GDAP1: variants seen among roughly 807,000 people sequenced by gnomAD.
The protein encoded by GDAP1 is ganglioside induced differentiation associated protein 1.
Under a neutral mutation model 40.1 loss-of-function variants are expected in GDAP1, and 34 were observed. That is an observed-to-expected ratio of 0.85 (90% CI 0.64 to 1.13). The LOEUF (loss-of-function observed/expected upper bound fraction) is 1.13, where lower values mean the gene tolerates loss of function less well. Ranked by LOEUF, GDAP1 falls within the 50% of genes most tolerant of loss-of-function variation. GDAP1 has a pLI of 0.00. For synonymous variants in GDAP1, 170 were observed against 157.4 expected (o/e 1.08, Z -0.60); for missense variants, 374 against 433.7 (o/e 0.86, Z 1.22).
In GDAP1 at chr8:74,363,143, C is replaced by T; in HGVS notation, c.694+90C>T. ...GGTCTCACCAAAAACGTTCTGTAAT[C>T]TGCTTTTCATTGTTGTTATTCACAG... On this transcript the variant is annotated intron_variant, in intron 5 of 5. Coordinates refer to ENST00000220822, the MANE Select transcript of GDAP1 (RefSeq NM_018972.4). The T allele has an allele frequency of 6.8e-6, 5 of 738,074 alleles. No homozygotes were observed. In the East Asian group the frequency reaches 1.2e-4, roughly 18 times the overall value. 45.7% of individuals were successfully genotyped at this position (738,074 alleles called of 1,614,324 possible).
chr8:74,387,219 T>C (rs145146605), intron 2 of GDAP1, among the ~76,000 whole-genome samples: 29,164 of 152,194 alleles, frequency 0.19, 3,037 homozygotes, highest in Admixed American at 0.31. Context: ...AACACTATGT[T>C]GAATAGGAGT....
intron 2 of GDAP1, among the ~76,000 whole-genome samples, chr8:74,418,189 T>C (rs117316867): frequency 0.014 from 2,098 of 152,310 alleles, 28 homozygotes; most frequent in South Asian, 0.034. Flanking sequence ...AAGCTTGTTC[T>C]AAAATTTGCA....
intron 3 of GDAP1, among the ~76,000 whole-genome samples, chr8:74,361,218 T>C (rs1238741101): frequency 3.3e-5 from 5 of 152,116 alleles, no homozygotes; most frequent in Non-Finnish European, 7.4e-5. Flanking sequence ...CTATAGTTAA[T>C]ATTTTTTAAA....
chr8:74,371,868 C>T (rs1809759218), downstream of GDAP1, among the ~76,000 whole-genome samples: 1 of 151,922 alleles, frequency 6.6e-6, no homozygotes, highest in African/African-American at 2.4e-5. Context: ...TGGTGTGCTG[C>T]ACCCATTAAC....
At chr8:74,363,903 T>A in intron 5 of GDAP1, 82 bp from the exon 6 acceptor site, 2 of 1,184,004 alleles carry the variant, frequency 1.7e-6, no homozygotes, top group Non-Finnish European at 2.5e-6. Flanking sequence ...CACTCACCCT[T>A]AAGGGTGAGA....
intron 2 of GDAP1, among the ~76,000 whole-genome samples, chr8:74,354,754 T>C (rs1809024518): frequency 6.6e-6 from 1 of 152,204 alleles, no homozygotes; most frequent in African/African-American, 2.4e-5. Context: ...CAGGGTGAGT[T>C]GTAACCCTCT....
chr8:74,467,850 C>G (rs925402975), intron 2 of GDAP1, among the ~76,000 whole-genome samples: 1 of 152,180 alleles, frequency 6.6e-6, no homozygotes, highest in Non-Finnish European at 1.5e-5. Context: ...TATACACACA[C>G]ATACCGTAAA....
chr8:74,461,665 T>C (rs1415328800), intron 2 of GDAP1, among the ~76,000 whole-genome samples: 1 of 152,214 alleles, frequency 6.6e-6, no homozygotes, highest in African/African-American at 2.4e-5. Context: ...TTCCACATGT[T>C]TGGCATTGTA....
intron 2 of GDAP1, among the ~76,000 whole-genome samples, chr8:74,475,797 C>G (rs949683523): frequency 6.6e-6 from 1 of 152,102 alleles, no homozygotes; most frequent in Non-Finnish European, 1.5e-5. Flanking sequence ...TCTATTAGAT[C>G]CATTTGGTCC....
intron 2 of GDAP1, among the ~76,000 whole-genome samples, chr8:74,399,995 G>T (rs1478752847): frequency 7.0e-6 from 1 of 143,638 alleles, no homozygotes; most frequent in Admixed American, 6.7e-5. Context: ...TGGAATAGGT[G>T]TGGTGTGGTG....
intron 2 of GDAP1, among the ~76,000 whole-genome samples, chr8:74,386,735 GC>G (rs1810030993): frequency 6.6e-6 from 1 of 152,174 alleles, no homozygotes; most frequent in Non-Finnish European, 1.5e-5. Context: ...GTCGATGGTA[GC>G]TTGATGGGAA....
chr8:74,487,425 A>G (rs1239044377), intron 2 of GDAP1, among the ~76,000 whole-genome samples: 1 of 152,118 alleles, frequency 6.6e-6, no homozygotes, highest in Admixed American at 6.6e-5. Flanking sequence ...CTTAAAAGGG[A>G]ATTAAAACTT....
chr8:74,465,517 C>G (rs1806458058), intron 2 of GDAP1, among the ~76,000 whole-genome samples: 1 of 152,198 alleles, frequency 6.6e-6, no homozygotes, highest in Admixed American at 6.5e-5. Flanking sequence ...TTCTCCACTT[C>G]TCCTTCTCAT....
At chr8:74,458,525 G>A (rs1332844536) in intron 2 of GDAP1, among the ~76,000 whole-genome samples, 2 of 152,126 alleles carry the variant, frequency 1.3e-5, no homozygotes, top group Non-Finnish European at 2.9e-5. Flanking sequence ...GCAGTGCAAG[G>A]TCCATCCACA....
chr8:74,429,591 T>G (rs1163746352), intron 2 of GDAP1, among the ~76,000 whole-genome samples: 1 of 152,188 alleles, frequency 6.6e-6, no homozygotes, highest in Non-Finnish European at 1.5e-5. Flanking sequence ...TGTCTTCACA[T>G]GGTCTTCCTT....
intron 5 of GDAP1, among the ~76,000 whole-genome samples, chr8:74,363,575 C>T (rs1369094883): frequency 6.6e-6 from 1 of 152,218 alleles, no homozygotes; most frequent in Non-Finnish European, 1.5e-5. Context: ...CTTTAAATGA[C>T]TAAGAGCAGT....
rs1085307665 is a variant in GDAP1 at position 74,361,976 on chromosome 8, A to C, written c.577A>C (p.Lys193Gln). Residue 193 changes from lysine to glutamine, a missense_variant and splice_region_variant, in exon 4 of 6, where the codon AAA (lysine) becomes CAA (glutamine). Physicochemically the swap from Lys to Gln is moderately conservative, Grantham distance 53. Coordinates refer to ENST00000220822, the MANE Select transcript of GDAP1 (RefSeq NM_018972.4). ...ATACATTGCAAAACAGAAACGACTTAAAGTAAGCCAATCAGCTGTCCTCAG... is the reference window on the plus strand; with the variant it reads ...ATACATTGCAAAACAGAAACGACTTCAAGTAAGCCAATCAGCTGTCCTCAG... ...EAYIAKQKRL[K>Q]SKLLDHDNVK... is the part of the protein sequence containing the mutation. 1.0e-5 allele frequency: 16 copies of C among 1,545,608 alleles called. No homozygotes were observed. Among genetic ancestry groups the C allele is most frequent in the Non-Finnish European group, 1.3e-5 (15 of 1,119,768 alleles).
chr8:74,366,073 A>C lies in GDAP1; in HGVS notation c.*1706A>C. ...CTCTGAAGGATATTTACCTATGAAA[A>C]AGTTGTTAAGAATAAAAATTAGAAG... On this transcript the variant is annotated 3_prime_UTR_variant, in exon 6 of 6. Coordinates refer to ENST00000220822, the MANE Select transcript of GDAP1 (RefSeq NM_018972.4). The C allele has an allele frequency of 2.3e-6, 1 of 439,132 alleles. No homozygotes were observed. The highest frequency in any genetic ancestry group is 1.7e-5 in the South Asian group (1 of 60,194). 27.2% of individuals were successfully genotyped at this position (439,132 alleles called of 1,614,324 possible). A position where few individuals can be genotyped will look rare whatever the true frequency, so the allele number is the denominator to read the frequency against.
chr8:74,356,719 T>A (rs866593190), intron 2 of GDAP1, among the ~76,000 whole-genome samples: 5,341 of 128,072 alleles, frequency 0.042, 491 homozygotes, highest in African/African-American at 0.15. Context: ...TATATATATT[T>A]TTTTTTTTTT....
Sources: gnomAD v4.1 joint callset for allele counts (sites outside exome capture counted in the v4.1 genomes callset) on GRCh38, gnomAD v4.1.1 for gene constraint, MANE v1.5 for transcripts, NCBI Gene and HGNC (gene_info 2026-07-23, HGNC 2026-07-21) for gene names.